RPAIN: variants seen among roughly 807,000 people sequenced by gnomAD.
RPAIN encodes the protein RPA-interacting protein.
In RPAIN, 29 loss-of-function variants were observed where a neutral mutation model predicts 30.5. The ratio of observed to expected loss-of-function variants is 0.95; its 90% CI spans 0.71 to 1.30. The LOEUF is 1.30. Ranked by LOEUF, RPAIN falls within the 50% of genes most tolerant of loss-of-function variation. The pLI is 0.00. For synonymous variants in RPAIN, 101 were observed against 93.5 expected, an observed-to-expected ratio of 1.08 and a Z score of -0.46; for missense variants, 247 against 264.7, an observed-to-expected ratio of 0.93 and a Z score of 0.46.
rs772850137 is a variant in RPAIN, at chr17:5,425,938, T to C, written c.314-33T>C. The C allele has an allele frequency of 3.6e-6, 5 of 1,403,472 alleles. No individual in the cohort carries two copies. The African/African-American group carries it at 7.1e-5, about 20-fold the overall frequency. 86.9% of individuals were successfully genotyped at this position (1,403,472 alleles called of 1,614,324 possible). ...ATTAAATACAGGGCCAGCTGAAGCA[T>C]GGTGAAGCCCTCCAACTGCCTTTGC... On this transcript the variant is annotated intron_variant, in intron 3 of 6. Coordinates refer to ENST00000381209, the MANE Select transcript of RPAIN (RefSeq NM_001033002.4).
chr17:5,431,744 T>G (rs956707408), intron 6 of RPAIN: 1 of 429,894 alleles, frequency 2.3e-6, no homozygotes. Context: ...GAGGAATGTT[T>G]CGGATGTGGC....
At chr17:5,432,048 C>A (rs1475921579) in intron 6 of RPAIN, 2 of 218,108 alleles carry the variant, frequency 9.2e-6, no homozygotes, top group Admixed American at 1.1e-4. Flanking sequence ...GCTGAGCCAC[C>A]CAGGAGTCGG....
chr17:5,422,427 T>C (rs1206435278), intron 2 of RPAIN, among the ~76,000 whole-genome samples: 4 of 152,214 alleles, frequency 2.6e-5, no homozygotes, highest in Non-Finnish European at 5.9e-5. Context: ...CCCTCTTAGA[T>C]AGATTTTATT....
chr17:5,432,036 A>C lies in RPAIN; in HGVS notation c.631-506A>C, dbSNP rs72839525. On this transcript the variant is annotated intron_variant, in intron 6 of 6. Coordinates refer to ENST00000381209, the MANE Select transcript of RPAIN (RefSeq NM_001033002.4). Reference sequence around the variant, plus strand: ...GACTGGATTCCTTAGCATAGTGGAGAGGCTGAGCCACCCAGGAGTCGGGAG... The same window carrying C: ...GACTGGATTCCTTAGCATAGTGGAGCGGCTGAGCCACCCAGGAGTCGGGAG... The C allele has an allele frequency of 5.9e-3, 1,330 of 226,474 alleles. 8 individuals are homozygous for C. Among genetic ancestry groups the C allele is most frequent in the Middle Eastern group, 0.012 (7 of 582 alleles). 14.0% of individuals were successfully genotyped at this position (226,474 alleles called of 1,614,324 possible). A position where few individuals can be genotyped will look rare whatever the true frequency, so the allele number is the denominator to read the frequency against.
intron 6 of RPAIN, chr17:5,429,395 G>C: frequency 1.0e-6 from 1 of 985,450 alleles, no homozygotes; most frequent in East Asian, 1.1e-4. Context: ...GTTCTACTTA[G>C]CTGGAGCATT....
chr17:5,421,702 C>A (rs900029876), intron 2 of RPAIN: 10 of 340,060 alleles, frequency 2.9e-5, no homozygotes, highest in African/African-American at 1.7e-4. Flanking sequence ...ATTTATGAAA[C>A]TAAAAAGAAA....
In RPAIN at chr17:5,422,821, T is replaced by G; in HGVS notation, c.305T>G (p.Ile102Ser). 1 of 1,611,006 alleles carries G rather than the reference T, an allele frequency of 6.2e-7. No individual in the cohort carries two copies. Among genetic ancestry groups the G allele is most frequent in the Non-Finnish European group, 8.5e-7 (1 of 1,177,582 alleles). Residue 102 changes from isoleucine (I) to serine (S), a missense_variant, in exon 3 of 7, where the codon ATC (isoleucine) becomes AGC (serine). By Grantham distance (142) the Ile-to-Ser change is moderately radical (BLOSUM62 -2). Transcript: ENST00000381209. ...CTGGAGGAAATTCAACAGGAGCTGATCAACCAAGGTAACCCCTAGTGGTAG... is the reference window on the plus strand; with the variant it reads ...CTGGAGGAAATTCAACAGGAGCTGAGCAACCAAGGTAACCCCTAGTGGTAG... ...AVLEEIQQEL[I>S]NQEQSIISEY...
At chr17:5,421,622 T>C (rs947788894) in intron 2 of RPAIN, 156 bp downstream of exon 2, 2 of 568,808 alleles carry the variant, frequency 3.5e-6, no homozygotes, top group Non-Finnish European at 6.0e-6. Flanking sequence ...CTACACTTAA[T>C]GTTAGACTTG....
intron 6 of RPAIN, chr17:5,431,062 T>A: frequency 4.2e-6 from 1 of 236,682 alleles, no homozygotes; most frequent in Non-Finnish European, 8.2e-6. Context: ...GCAGTGAAGC[T>A]AAGTAGGAGG....
chr17:5,426,189 C>G, intron 4 of RPAIN, 47 bp from the exon 5 acceptor site: 1 of 1,595,670 alleles, frequency 6.3e-7, no homozygotes, highest in Admixed American at 1.7e-5. Context: ...GTTTGGAGAT[C>G]CAGGTCTGGT....
In RPAIN at chr17:5,421,423, A is replaced by T. The variant is rs759483091; in HGVS notation, c.209A>T (p.Asn70Ile). The T allele has an allele frequency of 5.0e-6, 8 of 1,614,010 alleles. No homozygotes were observed. In the Admixed American group the frequency reaches 8.3e-5, roughly 17 times the overall value. Residue 70 changes from asparagine (N) to isoleucine (I), a missense_variant, in exon 2 of 7, where the codon AAT becomes ATT. Asn to Ile is a moderately radical substitution (Grantham distance 149, BLOSUM62 -3). Transcript: ENST00000381209. ...CAAGAGGTGATGGAAGAAGAGTGGA[A>T]TGCTTTGCAGTCAGTGGAGAATTGT... ...LVQEVMEEEW[N>I]ALQSVENCPE...
intron 6 of RPAIN, chr17:5,430,527 G>A (rs1915806159): frequency 6.6e-6 from 1 of 152,390 alleles, no homozygotes; most frequent in African/African-American, 2.4e-5. Flanking sequence ...TTCCTTTGGA[G>A]TCTGTGTTAC....
chr17:5,426,167 CT>C (rs1915369368), intron 4 of RPAIN, 68 bp from the exon 5 acceptor site: 1 of 1,581,194 alleles, frequency 6.3e-7, no homozygotes, highest in African/African-American at 1.3e-5. Context: ...GATTTGTTGC[CT>C]GAAATTCAAG....
intron 3 of RPAIN, 21 bp from the exon 4 acceptor site, chr17:5,425,950 C>T: frequency 6.5e-7 from 1 of 1,546,560 alleles, no homozygotes; most frequent in Non-Finnish European, 8.9e-7. Context: ...GTGAAGCCCT[C>T]CAACTGCCTT....
intron 6 of RPAIN, chr17:5,432,054 G>GA: frequency 4.6e-6 from 1 of 218,686 alleles, no homozygotes; most frequent in Non-Finnish European, 9.1e-6. Flanking sequence ...CCACCCAGGA[G>GA]TCGGGAGGCA....
At chr17:5,421,153 A>ATGCAAAAG (rs1246593504) in intron 1 of RPAIN, 143 bp from the exon 2 acceptor site, 1 of 728,620 alleles carries the variant, frequency 1.4e-6, no homozygotes, top group Non-Finnish European at 2.2e-6. Context: ...ACAGAGGAAT[A>ATGCAAAAG]TGCAAAAGTA....
chr17:5,428,235 C>A (rs371342862), intron 6 of RPAIN, 24 bp downstream of exon 6: 4 of 1,614,104 alleles, frequency 2.5e-6, no homozygotes, highest in South Asian at 2.2e-5. Flanking sequence ...GGGACCCACT[C>A]TGTGGTAAGA....
At chr17:5,431,103 G>C (rs943858100) in intron 6 of RPAIN, 1 of 305,968 alleles carries the variant, frequency 3.3e-6, no homozygotes, top group African/African-American at 2.2e-5. Flanking sequence ...CTGTGCAGCA[G>C]TCTTGGAGAT....
chr17:5,428,476 TCAG>T (rs1195978794), intron 6 of RPAIN: 95 of 1,424,552 alleles, frequency 6.7e-5, no homozygotes, highest in Non-Finnish European at 7.9e-5. Context: ...TCTTCTTTGA[TCAG>T]TAGTAGTGGT....
Sources: gnomAD v4.1 joint callset for allele counts (sites outside exome capture counted in the v4.1 genomes callset) on GRCh38, gnomAD v4.1.1 for gene constraint, MANE v1.5 for transcripts, NCBI Gene and HGNC (gene_info 2026-07-23, HGNC 2026-07-21) for gene names.